The following ZBTB7C variants were observed in gnomAD, a reference collection of about 807,000 sequenced individuals.
The protein encoded by ZBTB7C is zinc finger and BTB domain containing 7C.
A neutral mutation model predicts 25.7 loss-of-function variants in ZBTB7C; 8 were observed. The ratio of observed to expected loss-of-function variants is 0.31; its 90% CI spans 0.18 to 0.56. The LOEUF (loss-of-function observed/expected upper bound fraction) is 0.56. Ranked by LOEUF, ZBTB7C falls within the 20% of genes least tolerant of loss-of-function variation. The pLI is 0.91. For synonymous variants in ZBTB7C, 394 were observed against 369.0 expected (o/e 1.07, Z -0.78); for missense variants, 824 against 855.2 (o/e 0.96, Z 0.46).
At chr18:48,344,428 T>A (rs2046679359) in intron 1 of ZBTB7C, among the ~76,000 whole-genome samples, 1 of 152,108 alleles carries the variant, frequency 6.6e-6, no homozygotes, top group Admixed American at 6.5e-5. Flanking sequence ...GGGATGCCCA[T>A]GCCACTGGTC....
rs1158175402 is a variant in ZBTB7C, at chr18:48,355,495, C to A, written c.-303-17097G>T. 2.0e-5 allele frequency among the ~76,000 whole-genome samples: 3 copies of A among 152,230 alleles called. No individual in the cohort carries two copies. In the East Asian group the frequency reaches 5.8e-4, roughly 29 times the overall value. ...CACGTTCTGGCTCCCATAAAGCCTG[C>A]TCTCCTTCCTGCCCCTCCTAGGAAC... On this transcript the variant is annotated intron_variant, in intron 1 of 4. Coordinates refer to ENST00000590800, the MANE Select transcript of ZBTB7C (RefSeq NM_001318841.2).
intron 1 of ZBTB7C, among the ~76,000 whole-genome samples, chr18:48,347,994 C>T (rs1426210894): frequency 2.0e-5 from 3 of 152,228 alleles, no homozygotes; most frequent in African/African-American, 4.8e-5. Flanking sequence ...GCCCTGTTGG[C>T]CTGCCCCAGG....
At chr18:48,409,938 T>G (rs1300648830), upstream of ZBTB7C, among the ~76,000 whole-genome samples, 4 of 147,858 alleles carry the variant, frequency 2.7e-5, no homozygotes, top group East Asian at 7.9e-4. Context: ...AGCGCAGGCT[T>G]GGGACCGCCG....
chr18:48,271,457 A>G (rs1384244554), intron 2 of ZBTB7C, among the ~76,000 whole-genome samples: 1 of 149,606 alleles, frequency 6.7e-6, no homozygotes, highest in Non-Finnish European at 1.5e-5. Context: ...ATATATCAAT[A>G]AACTGTATGT....
intron 2 of ZBTB7C, among the ~76,000 whole-genome samples, chr18:48,214,691 C>G (rs2042782233): frequency 6.6e-6 from 1 of 152,226 alleles, no homozygotes; most frequent in Non-Finnish European, 1.5e-5. Flanking sequence ...TTAGCTCGCT[C>G]TTGAATTTCT....
At chr18:48,409,987 CGGCAGAGA>C (rs2048364962), upstream of ZBTB7C, among the ~76,000 whole-genome samples, 1 of 116,824 alleles carries the variant, frequency 8.6e-6, no homozygotes, top group African/African-American at 5.5e-5. Flanking sequence ...GGCAGCGGTG[CGGCAGAGA>C]TGGGCTCTGC....
chr18:48,156,355 G>C (rs75568908), intron 3 of ZBTB7C, among the ~76,000 whole-genome samples: 3,111 of 151,528 alleles, frequency 0.021, 114 homozygotes, highest in African/African-American at 0.073. Context: ...TTCTTTAGGT[G>C]TCTTCACTAA....
chr18:48,262,149 T>C (rs570062857), intron 2 of ZBTB7C, among the ~76,000 whole-genome samples: 2 of 152,206 alleles, frequency 1.3e-5, no homozygotes, highest in African/African-American at 2.4e-5. Flanking sequence ...ACTGTCTCAT[T>C]GTACAGCTGG....
chr18:48,388,309 T>C (rs1425603837), intron 1 of ZBTB7C, among the ~76,000 whole-genome samples: 1 of 151,094 alleles, frequency 6.6e-6, no homozygotes, highest in African/African-American at 2.5e-5. Flanking sequence ...TACGAATCTA[T>C]CTTGCATTTT....
chr18:48,394,044 C>A (rs2047962339), intron 1 of ZBTB7C, among the ~76,000 whole-genome samples: 1 of 152,146 alleles, frequency 6.6e-6, no homozygotes, highest in Admixed American at 6.5e-5. Context: ...TGAAGTATTT[C>A]TATCACAGCC....
chr18:48,292,117 G>A (rs1179613761), intron 2 of ZBTB7C, among the ~76,000 whole-genome samples: 8 of 151,970 alleles, frequency 5.3e-5, no homozygotes, highest in African/African-American at 1.9e-4. Context: ...AGAATCACTT[G>A]AACCTGGGAG....
At chr18:48,209,342 C>T (rs1266746429) in intron 2 of ZBTB7C, among the ~76,000 whole-genome samples, 2 of 152,224 alleles carry the variant, frequency 1.3e-5, no homozygotes, top group Non-Finnish European at 2.9e-5. Flanking sequence ...CTAACAAGTC[C>T]AGACATTGGA....
At position 48,040,275 on chromosome 18, in the gene ZBTB7C, C is replaced by T; in HGVS notation, c.833G>A (p.Gly278Glu). The T allele has an allele frequency of 1.3e-6, 2 of 1,562,194 alleles. No individual in the cohort carries two copies. The highest frequency in any genetic ancestry group is 1.7e-6 in the Non-Finnish European group (2 of 1,156,330). The change falls in exon 4 of 5, where the codon GGG (glycine) becomes GAG (glutamate). Residue 278 changes from glycine to glutamate, a missense_variant. Gly to Glu is a moderately conservative substitution (Grantham distance 98, BLOSUM62 -2). Coordinates refer to ENST00000590800, the MANE Select transcript of ZBTB7C (RefSeq NM_001318841.2). ...ATTCTTGATGACCAGATCCAGTGGC[C>T]CACTGTCCATGGGCTGCTCAGGCAG... ...AQLPEQPMDS[G>E]PLDLVIKNRK...
At chr18:48,230,602 T>C (rs2043224636) in intron 2 of ZBTB7C, among the ~76,000 whole-genome samples, 1 of 152,194 alleles carries the variant, frequency 6.6e-6, no homozygotes, top group Non-Finnish European at 1.5e-5. Flanking sequence ...GAATTGAACA[T>C]GCTGGAAGGG....
chr18:48,137,298 T>C, intron 3 of ZBTB7C: 1 of 985,470 alleles, frequency 1.0e-6, no homozygotes, highest in Non-Finnish European at 1.2e-6. Context: ...CTTCACTTTA[T>C]GACACCAAAT....
At chr18:48,294,248 T>C (rs1233453642) in intron 2 of ZBTB7C, among the ~76,000 whole-genome samples, 3 of 152,206 alleles carry the variant, frequency 2.0e-5, no homozygotes, top group Non-Finnish European at 4.4e-5. Flanking sequence ...AATGGGCAGA[T>C]GGGAGGGAGT....
At chr18:48,294,275 A>G (rs1343598256) in intron 2 of ZBTB7C, among the ~76,000 whole-genome samples, 1 of 152,220 alleles carries the variant, frequency 6.6e-6, no homozygotes, top group Non-Finnish European at 1.5e-5. Flanking sequence ...AAAGGCGTTG[A>G]ACCAGCAGCC....
chr18:48,183,967 C>G (rs1407878148), intron 3 of ZBTB7C, among the ~76,000 whole-genome samples: 2 of 152,140 alleles, frequency 1.3e-5, no homozygotes, highest in Non-Finnish European at 2.9e-5. Flanking sequence ...TAAGAGCTCT[C>G]CCTGGATACA....
rs1568197530 is a variant in ZBTB7C, at chr18:48,075,300, AAG to A, written c.-16-34179_-16-34178del. ...TGCCCTTACTGTTCTATGGGAGAGA[AAG>A]GACACAAGCTCTCCAGTCTTAGCTG... On this transcript the variant is annotated intron_variant, in intron 3 of 4. Transcript: ENST00000590800. Among the ~76,000 whole-genome samples, 7 of 152,320 alleles carry A rather than the reference AAG, an allele frequency of 4.6e-5. No homozygotes were observed. In the South Asian group the frequency reaches 1.5e-3, roughly 32 times the overall value.
Sources: gnomAD v4.1 joint callset for allele counts (sites outside exome capture counted in the v4.1 genomes callset) on GRCh38, gnomAD v4.1.1 for gene constraint, MANE v1.5 for transcripts, NCBI Gene and HGNC (gene_info 2026-07-23, HGNC 2026-07-21) for gene names.